The following PAX8 variants were observed in gnomAD, a reference collection of about 807,000 sequenced individuals.
PAX8 encodes paired box protein Pax-8.
Under a neutral mutation model 52.4 loss-of-function variants are expected in PAX8, and 15 were observed. The observed-to-expected ratio is 0.29, with a 90% CI of 0.19 to 0.44. PAX8 has a LOEUF of 0.44. Ranked by LOEUF, PAX8 falls within the 20% of genes least tolerant of loss-of-function variation. The probability of loss-of-function intolerance (pLI) is 1.00; values close to 1 mark genes in which losing one functional copy is unlikely to be tolerated. For missense variants in PAX8, 554 were observed against 602.5 expected (o/e 0.92, Z 0.84); for synonymous variants, 284 against 249.7 (o/e 1.14, Z -1.29).
chr2:113,246,441 G>A (rs1035099166), intron 3 of PAX8, among the ~76,000 whole-genome samples: 2 of 152,198 alleles, frequency 1.3e-5, no homozygotes, highest in Non-Finnish European at 2.9e-5. Flanking sequence ...GACCTTGGGG[G>A]AAGATTCTCT....
In PAX8 at chr2:113,254,002, G is replaced by A. The variant is rs147494639; in HGVS notation, c.26-7083C>T. Among the ~76,000 whole-genome samples the A allele has an allele frequency of 3.0e-3, 450 of 152,216 alleles. 3 individuals carry two copies. Among genetic ancestry groups the A allele is most frequent in the Middle Eastern group, 0.017 (5 of 294 alleles). ...GCTCCATGAGGGGAAGACTTCTTTC[G>A]TTTTGATCATTATTAAATTATATTA... On this transcript the variant is annotated intron_variant, in intron 2 of 11. Transcript: ENST00000429538.
intron 2 of PAX8, among the ~76,000 whole-genome samples, chr2:113,261,882 G>C (rs563721493): frequency 6.6e-6 from 1 of 151,446 alleles, no homozygotes; most frequent in Non-Finnish European, 1.5e-5. Flanking sequence ...GAAGTGGTGC[G>C]ATCTCGGCTC....
chr2:113,232,767 T>C (rs1689971100), intron 9 of PAX8, among the ~76,000 whole-genome samples: 1 of 151,980 alleles, frequency 6.6e-6, no homozygotes, highest in South Asian at 2.1e-4. Context: ...CCAGTTGCAC[T>C]TTACACTACA....
At chr2:113,254,314 A>G (rs1692026900) in intron 2 of PAX8, among the ~76,000 whole-genome samples, 1 of 152,234 alleles carries the variant, frequency 6.6e-6, no homozygotes, top group Non-Finnish European at 1.5e-5. Flanking sequence ...GGATGGGTAT[A>G]TATTTAAAAA....
chr2:113,275,519 T>TA (rs1693738953), intron 2 of PAX8: 1 of 152,194 alleles, frequency 6.6e-6, no homozygotes, highest in Non-Finnish European at 1.5e-5. Context: ...TCAGGGAAGT[T>TA]AGAGACATCG....
chr2:113,229,779 G>A (rs1281074332), intron 9 of PAX8, among the ~76,000 whole-genome samples: 1 of 152,226 alleles, frequency 6.6e-6, no homozygotes, highest in Non-Finnish European at 1.5e-5. Context: ...GCCCTCAGAT[G>A]AAGCACCGGC....
At chr2:113,244,251 G>T (rs910275918) in intron 4 of PAX8, among the ~76,000 whole-genome samples, 176 bp downstream of exon 4, 1 of 152,164 alleles carries the variant, frequency 6.6e-6, no homozygotes, top group African/African-American at 2.4e-5. Flanking sequence ...GGGCAAGGGA[G>T]GAGGCAGGGA....
At chr2:113,274,035 CGTGTGTGTGT>C (rs975965323) in intron 2 of PAX8, 1 of 151,916 alleles carries the variant, frequency 6.6e-6, no homozygotes, top group Non-Finnish European at 1.5e-5. Flanking sequence ...CGTGTGTGTG[CGTGTGTGTGT>C]GTCTCTACTT....
intron 9 of PAX8, among the ~76,000 whole-genome samples, chr2:113,234,353 G>A (rs1191366890): frequency 6.6e-6 from 1 of 152,192 alleles, no homozygotes; most frequent in Admixed American, 6.5e-5. Context: ...CTCCCCTTGA[G>A]GTCTGACTCA....
chr2:113,241,492 G>A, intron 7 of PAX8, 59 bp downstream of exon 7: 2 of 1,501,064 alleles, frequency 1.3e-6, no homozygotes, highest in Non-Finnish European at 1.8e-6. Flanking sequence ...CTCATTTGGA[G>A]AATAGACCTT....
rs775121343 is a variant in PAX8, at chr2:113,246,841, A to G, written c.104T>C (p.Val35Ala). The G allele has an allele frequency of 6.2e-7, 1 of 1,614,218 alleles. No individual in the cohort carries two copies. The highest frequency in any genetic ancestry group is 8.5e-7 in the Non-Finnish European group (1 of 1,180,004). ...CCTTACACCCTGGTGGGCCAGGTCT[A>G]CGATGCGCTGGCGGACCACTTCCGG... ...PLPEVVRQRI[V>A]DLAHQGVRPC... The change falls in exon 3 of 12, where the codon GTA becomes GCA. Residue 35 changes from valine to alanine, a missense_variant. Physicochemically the swap from Val to Ala is moderately conservative, Grantham distance 64 (BLOSUM62 0). Transcript: ENST00000429538.
At chr2:113,241,783 G>T (rs1330398155) in intron 6 of PAX8, 57 bp from the exon 7 acceptor site, 1 of 1,587,098 alleles carries the variant, frequency 6.3e-7, no homozygotes, top group Non-Finnish European at 8.6e-7. Context: ...TCATGCTCTA[G>T]GCCAAAGTAG....
intron 9 of PAX8, among the ~76,000 whole-genome samples, chr2:113,231,741 T>C (rs566746988): frequency 6.6e-6 from 1 of 152,354 alleles, no homozygotes; most frequent in African/African-American, 2.4e-5. Flanking sequence ...ATTTTTTTCT[T>C]TTTTGAGATG....
chr2:113,270,450 G>C (rs1482519584), intron 2 of PAX8: 1 of 152,220 alleles, frequency 6.6e-6, no homozygotes, highest in Non-Finnish European at 1.5e-5. Flanking sequence ...CAAGATGGAA[G>C]CCCGGGCTTT....
rs1252856546 is a variant in PAX8 at position 113,218,010 on chromosome 2, T to G, written c.*523A>C. 1 of 233,542 alleles carries G rather than the reference T, an allele frequency of 4.3e-6. No homozygotes were observed. Among genetic ancestry groups the G allele is most frequent in the Non-Finnish European group, 8.4e-6 (1 of 118,406 alleles). 14.5% of individuals were successfully genotyped at this position (233,542 alleles called of 1,614,324 possible). A position where few individuals can be genotyped will look rare whatever the true frequency, so the allele number is the denominator to read the frequency against. On this transcript the variant is annotated 3_prime_UTR_variant, in exon 12 of 12. Coordinates refer to ENST00000429538, the MANE Select transcript of PAX8 (RefSeq NM_003466.4). The stretch of plus-strand genomic sequence containing the variant: ...AAAGAGGACAGCCAGAGCCTCCGTG[T>G]GGGGCAGGCGGGAGGCTGAGGGAGG...
chr2:113,216,779 A>C lies in PAX8; in HGVS notation c.*1754T>G, dbSNP rs1176296798. The C allele has an allele frequency of 4.4e-6, 1 of 227,970 alleles. No individual in the cohort carries two copies. Among genetic ancestry groups the C allele is most frequent in the African/African-American group, 2.2e-5 (1 of 45,004 alleles). 14.1% of individuals were successfully genotyped at this position (227,970 alleles called of 1,614,324 possible). On this transcript the variant is annotated 3_prime_UTR_variant, in exon 12 of 12. Coordinates refer to ENST00000429538, the MANE Select transcript of PAX8 (RefSeq NM_003466.4). ...GAACCATTTGGCATCCCTGATGAGG[A>C]CTCTGGGGTTTTGGGTAAAAGCGTT...
chr2:113,278,360 G>A lies in PAX8; in HGVS notation c.25+10C>T. On this transcript the variant is annotated intron_variant, in intron 2 of 11. Transcript: ENST00000429538. ...GGGGCTCGGGGATCCTGACCACACC[G>A]CGTTCTTACCAGATCTGATGGAGTT... The A allele has an allele frequency of 6.3e-7, 1 of 1,592,890 alleles. No individual in the cohort carries two copies. The highest frequency in any genetic ancestry group is 1.7e-5 in the Admixed American group (1 of 59,770).
chr2:113,248,150 AC>A (rs1691476532), intron 2 of PAX8, among the ~76,000 whole-genome samples: 1 of 152,236 alleles, frequency 6.6e-6, no homozygotes, highest in Non-Finnish European at 1.5e-5. Context: ...CTAGAGCCAT[AC>A]TGGGCTAATT....
chr2:113,267,318 C>T (rs1434061177), intron 2 of PAX8: 1 of 152,232 alleles, frequency 6.6e-6, no homozygotes, highest in Non-Finnish European at 1.5e-5. Context: ...TGGGAAGAGC[C>T]ACTGTGAACC....
Sources: allele counts gnomAD v4.1 joint callset (sites outside exome capture counted in the v4.1 genomes callset), GRCh38; gene constraint gnomAD v4.1.1; transcripts MANE v1.5; gene names NCBI Gene and HGNC (gene_info 2026-07-23, HGNC 2026-07-21).